Variants in BRINP3 observed in about 807,000 individuals in gnomAD.
BRINP3 encodes BMP/retinoic acid-inducible neural-specific protein 3.
A neutral mutation model predicts 71.0 loss-of-function variants in BRINP3; 19 were observed. That is an observed-to-expected ratio of 0.27 (90% confidence interval 0.19 to 0.39). BRINP3 has a LOEUF of 0.39. Among genes scored for constraint, BRINP3 ranks in the 10% least tolerant of loss-of-function variants. The probability of loss-of-function intolerance (pLI) is 1.00; values close to 1 mark genes in which losing one functional copy is unlikely to be tolerated. For synonymous variants in BRINP3, 380 were observed against 337.7 expected, an observed-to-expected ratio of 1.13 and a Z score of -1.37; for missense variants, 959 against 940.8, an observed-to-expected ratio of 1.02 and a Z score of -0.25.
chr1:190,101,078 T>C (rs1019285807), intron 7 of BRINP3, among the ~76,000 whole-genome samples: 1 of 152,178 alleles, frequency 6.6e-6, no homozygotes, highest in Non-Finnish European at 1.5e-5. Flanking sequence ...CCTCACCAGA[T>C]GCCAGTCTTT....
intron 2 of BRINP3, among the ~76,000 whole-genome samples, chr1:190,357,165 A>G (rs969694324): frequency 3.3e-5 from 5 of 152,000 alleles, no homozygotes; most frequent in African/African-American, 1.2e-4. Flanking sequence ...TAATGTAACT[A>G]TAAGTTTTTT....
chr1:190,226,357 T>C, intron 5 of BRINP3, 39 bp from the exon 6 acceptor site: 1 of 1,260,606 alleles, frequency 7.9e-7, no homozygotes. Context: ...ATTTACTTTG[T>C]TAAAGAAAAA....
chr1:190,326,093 A>T lies in BRINP3; in HGVS notation c.237-44343T>A, dbSNP rs543327705. ...GTCTAAACATCTTTAAAAAAAATCA[A>T]TTGGAGCTTCTGGGATTGAAAAACT... On this transcript the variant is annotated intron_variant, in intron 2 of 7. Transcript: ENST00000367462. Among the ~76,000 whole-genome samples the T allele has an allele frequency of 7.2e-5, 11 of 152,230 alleles. 1 individual carries two copies. Among genetic ancestry groups the T allele is most frequent in the African/African-American group, 2.4e-4 (10 of 41,572 alleles).
rs143507169 is a variant in BRINP3 at position 190,274,941 on chromosome 1, C to T, written c.427+6619G>A. Among the ~76,000 whole-genome samples the T allele has an allele frequency of 7.6e-4, 115 of 151,720 alleles. 2 individuals carry two copies. The East Asian group carries it at 0.021, about 28-fold the overall frequency. On this transcript the variant is annotated intron_variant, in intron 3 of 7. Coordinates refer to ENST00000367462, the MANE Select transcript of BRINP3 (RefSeq NM_199051.3). Reference sequence around the variant, plus strand: ...TTGGCTTAACACCAATTGGCATCTGCAAGATATTATGGGGAGGAAAGAGCT... The same window carrying T: ...TTGGCTTAACACCAATTGGCATCTGTAAGATATTATGGGGAGGAAAGAGCT...
intron 7 of BRINP3, among the ~76,000 whole-genome samples, chr1:190,106,040 T>C (rs1652132753): frequency 1.3e-5 from 2 of 151,920 alleles, no homozygotes; most frequent in South Asian, 4.1e-4. Context: ...ATAAAAAGGT[T>C]TAAAAAGTAT....
chr1:190,239,130 C>A (rs540584303), intron 4 of BRINP3, among the ~76,000 whole-genome samples: 1 of 152,032 alleles, frequency 6.6e-6, no homozygotes, highest in Admixed American at 6.6e-5. Context: ...TGGGGGAAAC[C>A]ACACCCATGA....
chr1:190,291,748 A>G (rs1663884988), intron 2 of BRINP3, among the ~76,000 whole-genome samples: 1 of 152,122 alleles, frequency 6.6e-6, no homozygotes, highest in African/African-American at 2.4e-5. Flanking sequence ...CAGTTTGGAG[A>G]TTTTTCAAAA....
At chr1:190,465,834 C>A (rs928510920) in intron 1 of BRINP3, among the ~76,000 whole-genome samples, 1 of 151,370 alleles carries the variant, frequency 6.6e-6, no homozygotes, top group African/African-American at 2.4e-5. Flanking sequence ...AAATGTATGA[C>A]AATTAATATG....
In BRINP3 at chr1:190,264,873, C is replaced by G; in HGVS notation, c.610G>C (p.Ala204Pro). ...CGTAAACTCATTCTTACCTTTATGGCAGTGGATGCAATTTGAATGTGGTGA... is the reference window on the plus strand; with the variant it reads ...CGTAAACTCATTCTTACCTTTATGGGAGTGGATGCAATTTGAATGTGGTGA... ...RLHHIQIAST[A>P]IKVTETRTGP... Residue 204 changes from alanine (A) to proline (P), a missense_variant, in exon 4 of 8, where the codon GCC becomes CCC. Ala to Pro is a conservative substitution (Grantham distance 27, BLOSUM62 -1). Transcript: ENST00000367462. 6.2e-7 allele frequency: 1 copy of G among 1,612,902 alleles called. No individual in the cohort carries two copies. The highest frequency in any genetic ancestry group is 8.5e-7 in the Non-Finnish European group (1 of 1,179,488).
intron 2 of BRINP3, among the ~76,000 whole-genome samples, chr1:190,411,825 T>G (rs1473422291): frequency 6.6e-6 from 1 of 152,134 alleles, no homozygotes; most frequent in Non-Finnish European, 1.5e-5. Context: ...AAAACCAGTT[T>G]AGAGAAGTGA....
At chr1:190,352,837 T>A (rs1668481402) in intron 2 of BRINP3, among the ~76,000 whole-genome samples, 1 of 115,334 alleles carries the variant, frequency 8.7e-6, no homozygotes, top group Admixed American at 9.6e-5. Context: ...CTGCAACAGA[T>A]ATTCTCTCTC....
intron 2 of BRINP3, among the ~76,000 whole-genome samples, chr1:190,285,692 T>C (rs1663368331): frequency 6.6e-6 from 1 of 151,996 alleles, no homozygotes; most frequent in Non-Finnish European, 1.5e-5. Flanking sequence ...CTAATGTCTG[T>C]ATATAAATTG....
At chr1:190,218,454 A>G (rs1656594850) in intron 6 of BRINP3, among the ~76,000 whole-genome samples, 1 of 152,018 alleles carries the variant, frequency 6.6e-6, no homozygotes, top group South Asian at 2.1e-4. Context: ...TTGTAATTTG[A>G]AGAATTATAA....
Position 190,278,266 on chromosome 1 carries a change from G to A in BRINP3, c.427+3294C>T, listed in dbSNP as rs563112360. Among the ~76,000 whole-genome samples, 24 of 151,684 alleles carry A rather than the reference G, an allele frequency of 1.6e-4. No homozygotes were observed. In the South Asian group the frequency reaches 3.7e-3, roughly 24 times the overall value. On this transcript the variant is annotated intron_variant, in intron 3 of 7. Transcript: ENST00000367462. ...ATACAACTGGCTTTTTGTTAAAAAG[G>A]TTTGCTTATATACATTACACCCTAG... is the stretch of plus-strand genomic sequence containing the variant.
chr1:190,382,235 T>C (rs1258937298), intron 2 of BRINP3, among the ~76,000 whole-genome samples: 3 of 152,114 alleles, frequency 2.0e-5, no homozygotes, highest in Non-Finnish European at 4.4e-5. Context: ...AAGATTTTTG[T>C]TTTTTAATTC....
chr1:190,456,413 G>T (rs1454633964), intron 1 of BRINP3, among the ~76,000 whole-genome samples: 2 of 152,088 alleles, frequency 1.3e-5, no homozygotes, highest in African/African-American at 2.4e-5. Context: ...TACAAGTGAA[G>T]ACATTTTAAA....
At chr1:190,261,449 G>T (rs1281801799) in intron 4 of BRINP3, among the ~76,000 whole-genome samples, 1 of 151,790 alleles carries the variant, frequency 6.6e-6, no homozygotes, top group Non-Finnish European at 1.5e-5. Context: ...ACAAAGTATA[G>T]TCTACATTTA....
At chr1:190,152,491 AATAT>A (rs141753835) in intron 7 of BRINP3, among the ~76,000 whole-genome samples, 18 of 141,632 alleles carry the variant, frequency 1.3e-4, no homozygotes, top group Admixed American at 2.1e-4. Flanking sequence ...TACATGCACA[AATAT>A]ATATATATAT....
intron 4 of BRINP3, among the ~76,000 whole-genome samples, chr1:190,262,380 C>T (rs1661260664): frequency 6.6e-6 from 1 of 152,214 alleles, no homozygotes. Context: ...TACCTCACCA[C>T]CTCACGCTTG....
Sources: gnomAD v4.1 joint callset for allele counts (sites outside exome capture counted in the v4.1 genomes callset) on GRCh38, gnomAD v4.1.1 for gene constraint, MANE v1.5 for transcripts, NCBI Gene and HGNC (gene_info 2026-07-23, HGNC 2026-07-21) for gene names.